INTS9: variants seen among roughly 807,000 people sequenced by gnomAD.
The protein encoded by INTS9 is protein related to CPSF subunits of 74 kDa.
Under a neutral mutation model 79.7 loss-of-function variants are expected in INTS9, and 55 were observed. That is an observed-to-expected ratio of 0.69 (90% confidence interval 0.56 to 0.86). The LOEUF (loss-of-function observed/expected upper bound fraction) is 0.86. INTS9 is among the 40% of genes least tolerant of loss of function. INTS9 has a pLI of 0.00. For missense variants in INTS9, 721 were observed against 831.5 expected (o/e 0.87, Z 1.64); for synonymous variants, 319 against 325.2 (o/e 0.98, Z 0.20).
intron 12 of INTS9, 35 bp downstream of exon 12, chr8:28,780,788 G>C: frequency 6.2e-7 from 1 of 1,609,036 alleles, no homozygotes; most frequent in Non-Finnish European, 8.5e-7. Flanking sequence ...CCTCAGTGGA[G>C]AGAACCAATT....
chr8:28,872,094 T>C (rs978922528), intron 1 of INTS9, among the ~76,000 whole-genome samples: 1 of 152,164 alleles, frequency 6.6e-6, no homozygotes, highest in Non-Finnish European at 1.5e-5. Flanking sequence ...GATGAGGTTG[T>C]GGGGAAGTGG....
intron 1 of INTS9, among the ~76,000 whole-genome samples, chr8:28,884,961 G>A (rs1247033961): frequency 1.3e-5 from 2 of 152,188 alleles, no homozygotes. Context: ...TCCAAGGTGA[G>A]GATTAACCAC....
intron 10 of INTS9, among the ~76,000 whole-genome samples, chr8:28,792,336 A>T (rs143543404): frequency 6.6e-6 from 1 of 152,152 alleles, no homozygotes; most frequent in African/African-American, 2.4e-5. Flanking sequence ...ATGTAAAAAA[A>T]GAAAGAAAGA....
At chr8:28,832,617 G>A (rs1048605656) in intron 6 of INTS9, among the ~76,000 whole-genome samples, 2 of 152,260 alleles carry the variant, frequency 1.3e-5, no homozygotes, top group East Asian at 1.9e-4. Flanking sequence ...CTAGCTGTGC[G>A]ACCTTGGGCA....
At chr8:28,782,493 G>A (rs1194619202) in intron 11 of INTS9, among the ~76,000 whole-genome samples, 1 of 152,254 alleles carries the variant, frequency 6.6e-6, no homozygotes, top group Non-Finnish European at 1.5e-5. Context: ...TGCTACTAGA[G>A]AAGCTTCTCT....
chr8:28,830,616 C>A (rs1446599409), intron 6 of INTS9, among the ~76,000 whole-genome samples: 1 of 149,084 alleles, frequency 6.7e-6, no homozygotes, highest in Non-Finnish European at 1.5e-5. Context: ...CAGAGTGAGA[C>A]CCTGTCTCAA....
intron 1 of INTS9, among the ~76,000 whole-genome samples, chr8:28,875,755 T>C (rs145005998): frequency 2.6e-5 from 4 of 152,252 alleles, no homozygotes; most frequent in Non-Finnish European, 4.4e-5. Flanking sequence ...CTCAATCACA[T>C]ACATTGAATA....
chr8:28,848,796 A>C (rs1807670502), intron 3 of INTS9, among the ~76,000 whole-genome samples: 1 of 152,152 alleles, frequency 6.6e-6, no homozygotes, highest in African/African-American at 2.4e-5. Flanking sequence ...CCAAACACTT[A>C]CAATGTCACT....
At chr8:28,809,699 G>A (rs1277023994) in intron 8 of INTS9, among the ~76,000 whole-genome samples, 1 of 152,098 alleles carries the variant, frequency 6.6e-6, no homozygotes, top group Non-Finnish European at 1.5e-5. Context: ...TTTTATGGAA[G>A]AACATATCAG....
intron 16 of INTS9, 195 bp downstream of exon 16, chr8:28,769,694 A>C: frequency 1.6e-6 from 1 of 631,798 alleles, no homozygotes; most frequent in South Asian, 2.2e-5. Flanking sequence ...TGCTGGGAGG[A>C]AGGATGGGGC....
intron 8 of INTS9, among the ~76,000 whole-genome samples, chr8:28,809,714 G>A (rs1242408657): frequency 1.3e-5 from 2 of 152,156 alleles, no homozygotes; most frequent in African/African-American, 4.8e-5. Flanking sequence ...TATCAGGAAC[G>A]ATAGAAGCTG....
At chr8:28,774,605 C>A (rs1031391893) in intron 14 of INTS9, among the ~76,000 whole-genome samples, 1 of 152,208 alleles carries the variant, frequency 6.6e-6, no homozygotes, top group Admixed American at 6.5e-5. Context: ...TGGTCCCTAG[C>A]AGCCTCTCCA....
Position 28,812,392 on chromosome 8 carries a change from T to G in INTS9, c.679A>C (p.Ile227Leu), listed in dbSNP as rs1319775274. Residue 227 changes from isoleucine to leucine, a missense_variant, in exon 8 of 17, where the codon ATC (isoleucine) becomes CTC (leucine). Ile to Leu is a conservative substitution (Grantham distance 5). Around this residue, in one of 3 missense-constraint regions of INTS9, gnomAD observed 291 missense variants for 307.0 expected, o/e 0.95. Coordinates refer to ENST00000521022, the MANE Select transcript of INTS9 (RefSeq NM_018250.4). ...GACACTTTCTCGTAATGAGACTGGA[T>G]GATCCAGTTGGAGCTCCCAAGGGCA... ...GYALGSSNWI[I>L]QSHYEKVSYV... 6.2e-7 allele frequency: 1 copy of G among 1,613,896 alleles called. No homozygotes were observed. The highest frequency in any genetic ancestry group is 8.5e-7 in the Non-Finnish European group (1 of 1,179,890).
intron 6 of INTS9, among the ~76,000 whole-genome samples, chr8:28,830,398 C>T (rs1320140096): frequency 1.3e-5 from 2 of 152,046 alleles, no homozygotes; most frequent in Non-Finnish European, 2.9e-5. Flanking sequence ...CTTTGGGAGG[C>T]TGAGGTGGGC....
intron 1 of INTS9, among the ~76,000 whole-genome samples, chr8:28,875,315 A>T (rs1809321799): frequency 6.6e-6 from 1 of 152,212 alleles, no homozygotes; most frequent in African/African-American, 2.4e-5. Flanking sequence ...TAAATTGTAC[A>T]CATACATCAC....
intron 1 of INTS9, among the ~76,000 whole-genome samples, chr8:28,882,235 T>G (rs886388247): frequency 7.7e-6 from 1 of 129,986 alleles, no homozygotes; most frequent in Admixed American, 8.1e-5. Context: ...ATGTGCTTTG[T>G]TAAACAGATG....
Position 28,820,657 on chromosome 8 carries a change from A to G in INTS9, c.489-7045T>C, listed in dbSNP as rs185124097. Reference sequence around the variant, plus strand: ...GAGTAGCTTTGCAAAAGTGACTTTCAAGGCCAAAGATCACAGATAAACAAT... The same window carrying G: ...GAGTAGCTTTGCAAAAGTGACTTTCGAGGCCAAAGATCACAGATAAACAAT... On this transcript the variant is annotated intron_variant, in intron 6 of 16. Coordinates refer to ENST00000521022, the MANE Select transcript of INTS9 (RefSeq NM_018250.4). Among the ~76,000 whole-genome samples, 31 of 152,236 alleles carry G rather than the reference A, an allele frequency of 2.0e-4. No individual in the cohort carries two copies. The East Asian group carries it at 5.8e-3, about 28-fold the overall frequency.
At chr8:28,802,436 C>G (rs1563260964) in intron 8 of INTS9, among the ~76,000 whole-genome samples, 1 of 152,168 alleles carries the variant, frequency 6.6e-6, no homozygotes, top group Non-Finnish European at 1.5e-5. Flanking sequence ...TCTCCTTCTC[C>G]CTCATAGACC....
Position 28,812,470 on chromosome 8 carries a change from G to C in INTS9, c.610-9C>G. 6.2e-7 allele frequency: 1 copy of C among 1,612,610 alleles called. No individual in the cohort carries two copies. Among genetic ancestry groups the C allele is most frequent in the Non-Finnish European group, 8.5e-7 (1 of 1,179,548 alleles). On this transcript the variant is annotated splice_polypyrimidine_tract_variant and intron_variant, in intron 7 of 16. Transcript: ENST00000521022. ...ACCGCACCAAAAAGCTCCTAAAAGA[G>C]AACCACAGTAAGAATGTGCAATGAG...
Sources: allele counts gnomAD v4.1 joint callset (sites outside exome capture counted in the v4.1 genomes callset), GRCh38; gene constraint gnomAD v4.1.1; regional missense constraint gnomAD v4.1.1; transcripts MANE v1.5; gene names NCBI Gene and HGNC (gene_info 2026-07-23, HGNC 2026-07-21).